The following ECT2L variants were observed in gnomAD, a reference collection of about 807,000 sequenced individuals.
ECT2L encodes the protein epithelial cell transforming 2 like, also known as epithelial cell-transforming sequence 2 oncogene-like.
ECT2L carries 126 observed loss-of-function variants against 122.8 expected under a neutral mutation model. The observed-to-expected ratio is 1.03, with a 90% confidence interval of 0.89 to 1.19. The LOEUF is 1.19. ECT2L is among the 50% of genes most tolerant of loss of function. The pLI is 0.00. For missense variants in ECT2L, 1,012 were observed against 1,064.1 expected (o/e 0.95, Z 0.68); for synonymous variants, 385 against 381.8 (o/e 1.01, Z -0.10).
At chr6:138,884,095 G>A (rs1778731655) in intron 16 of ECT2L, among the ~76,000 whole-genome samples, 1 of 152,010 alleles carries the variant, frequency 6.6e-6, no homozygotes, top group African/African-American at 2.4e-5. Context: ...TAAACTCCTG[G>A]GCTCAAGCAA....
At chr6:138,844,972 T>C (rs1777171804) in intron 7 of ECT2L, among the ~76,000 whole-genome samples, 1 of 152,092 alleles carries the variant, frequency 6.6e-6, no homozygotes, top group South Asian at 2.1e-4. Context: ...GTGGATGTAG[T>C]ATATTTTCTG....
chr6:138,880,886 G>A (rs749324848), intron 14 of ECT2L, 71 bp from the exon 15 acceptor site: 35 of 1,389,210 alleles, frequency 2.5e-5, no homozygotes, highest in Admixed American at 2.4e-4. Flanking sequence ...GGGGGTCTCC[G>A]TGTAGCTGCC....
In ECT2L at chr6:138,842,418, G is replaced by T. The variant is rs574530900; in HGVS notation, c.343-561G>T. Among the ~76,000 whole-genome samples the T allele has an allele frequency of 2.0e-5, 3 of 151,830 alleles. No individual in the cohort carries two copies. In the East Asian group the frequency reaches 5.8e-4, roughly 30 times the overall value. The stretch of plus-strand genomic sequence containing the variant: ...AGAGGTTGTAGTGAGCTGAGATCGC[G>T]CCACTGCACTCCAGCCTGGGCGACA... On this transcript the variant is annotated intron_variant, in intron 5 of 21. Coordinates refer to ENST00000541398, the MANE Select transcript of ECT2L (RefSeq NM_001077706.3).
At chr6:138,833,957 C>T (rs1271877882) in intron 4 of ECT2L, among the ~76,000 whole-genome samples, 1 of 152,152 alleles carries the variant, frequency 6.6e-6, no homozygotes, top group Non-Finnish European at 1.5e-5. Context: ...AAACAGGGAC[C>T]TCTGCCAAAT....
intron 8 of ECT2L, among the ~76,000 whole-genome samples, chr6:138,846,963 A>AT (rs1275461743): frequency 4.5e-4 from 45 of 100,822 alleles, no homozygotes; most frequent in African/African-American, 1.6e-3. Flanking sequence ...CTCTGTTTCT[A>AT]TAAAAAAAAA....
At chr6:138,803,932 C>G (rs957469589) in intron 1 of ECT2L, among the ~76,000 whole-genome samples, 1 of 152,204 alleles carries the variant, frequency 6.6e-6, no homozygotes, top group African/African-American at 2.4e-5. Flanking sequence ...AAAGTTTCTT[C>G]AGCTACACCA....
In ECT2L at chr6:138,862,624, C is replaced by T; in HGVS notation, c.1199-3C>T. Reference sequence around the variant, plus strand: ...ACTAACGAAAGTGTTTTTGACTATGCAGAGGCAGGAATTGAAGTTCTTTCC... The same window carrying T: ...ACTAACGAAAGTGTTTTTGACTATGTAGAGGCAGGAATTGAAGTTCTTTCC... On this transcript the variant is annotated splice_region_variant and splice_polypyrimidine_tract_variant and intron_variant, in intron 10 of 21. Coordinates refer to ENST00000541398, the MANE Select transcript of ECT2L (RefSeq NM_001077706.3). 1 of 1,613,778 alleles carries T rather than the reference C, an allele frequency of 6.2e-7. No individual in the cohort carries two copies. Among genetic ancestry groups the T allele is most frequent in the South Asian group, 1.1e-5 (1 of 91,056 alleles).
At chr6:138,796,526 A>G (rs6936229) in intron 1 of ECT2L, among the ~76,000 whole-genome samples, 10,524 of 151,708 alleles carry the variant, frequency 0.069, 962 homozygotes, top group African/African-American at 0.21. Flanking sequence ...ATAGGTTCAC[A>G]CCAACTGCCT....
chr6:138,888,646 C>T (rs931949152), intron 19 of ECT2L, among the ~76,000 whole-genome samples: 1 of 152,062 alleles, frequency 6.6e-6, no homozygotes, highest in Non-Finnish European at 1.5e-5. Context: ...CCTTCTTATC[C>T]CCCAACCCCC....
intron 4 of ECT2L, among the ~76,000 whole-genome samples, chr6:138,816,701 G>A (rs1776078846): frequency 6.6e-6 from 1 of 152,148 alleles, no homozygotes; most frequent in South Asian, 2.1e-4. Flanking sequence ...TAGCCAGGAT[G>A]GTCTCGATCT....
intron 4 of ECT2L, among the ~76,000 whole-genome samples, chr6:138,835,272 G>A (rs1421119242): frequency 4.5e-4 from 69 of 152,116 alleles, no homozygotes; most frequent in Admixed American, 4.5e-3. Context: ...GTTATGGCCA[G>A]GCGCAGTGGC....
At chr6:138,808,796 G>A (rs530187398) in intron 1 of ECT2L, among the ~76,000 whole-genome samples, 4 of 146,952 alleles carry the variant, frequency 2.7e-5, no homozygotes, top group East Asian at 2.0e-4. Context: ...GCGCAATCTC[G>A]ACTCGCTGCA....
chr6:138,897,059 T>C (rs1001139384), intron 20 of ECT2L, among the ~76,000 whole-genome samples: 3 of 152,240 alleles, frequency 2.0e-5, no homozygotes, highest in South Asian at 2.1e-4. Flanking sequence ...AAAACACTTC[T>C]AGAATGGAGT....
intron 4 of ECT2L, among the ~76,000 whole-genome samples, chr6:138,827,332 G>A (rs1249169009): frequency 6.6e-6 from 1 of 151,686 alleles, no homozygotes; most frequent in African/African-American, 2.4e-5. Context: ...TGGGCAACAG[G>A]GTGAGACTCT....
intron 20 of ECT2L, among the ~76,000 whole-genome samples, chr6:138,898,865 C>T (rs939846717): frequency 1.3e-5 from 2 of 151,952 alleles, no homozygotes; most frequent in African/African-American, 2.4e-5. Flanking sequence ...TATAACATCA[C>T]GTTTTTTGAT....
At chr6:138,850,219 C>T (rs543880180) in intron 9 of ECT2L, among the ~76,000 whole-genome samples, 130 of 152,176 alleles carry the variant, frequency 8.5e-4, no homozygotes, top group African/African-American at 3.0e-3. Context: ...CAGCTCACTG[C>T]AACCTCTCTC....
At chr6:138,855,434 G>C (rs1312770875) in intron 10 of ECT2L, among the ~76,000 whole-genome samples, 1 of 152,074 alleles carries the variant, frequency 6.6e-6, no homozygotes, top group African/African-American at 2.4e-5. Flanking sequence ...ACTTGAACCT[G>C]GGAGGCAGAG....
At chr6:138,886,813 A>G (rs767245058) in intron 18 of ECT2L, 44 bp from the exon 19 acceptor site, 1 of 1,351,948 alleles carries the variant, frequency 7.4e-7, no homozygotes, top group Non-Finnish European at 1.1e-6. Context: ...ATGAATAAAA[A>G]TGTCACAATT....
At chr6:138,900,249 TTATC>T (rs1779353933) in intron 20 of ECT2L, among the ~76,000 whole-genome samples, 1 of 152,090 alleles carries the variant, frequency 6.6e-6, no homozygotes, top group African/African-American at 2.4e-5. Context: ...CCCCAACTTA[TTATC>T]TTTTTTTTTT....
Sources: gnomAD v4.1 joint callset for allele counts (sites outside exome capture counted in the v4.1 genomes callset) on GRCh38, gnomAD v4.1.1 for gene constraint, MANE v1.5 for transcripts, NCBI Gene and HGNC (gene_info 2026-07-23, HGNC 2026-07-21) for gene names.